NAALADL2: variants seen among roughly 807,000 people sequenced by gnomAD.
NAALADL2 encodes N-acetylated alpha-linked acidic dipeptidase like 2.
In NAALADL2, 76 loss-of-function variants were observed where a neutral mutation model predicts 87.2. The ratio of observed to expected loss-of-function variants is 0.87; its 90% CI spans 0.72 to 1.05. NAALADL2 has a LOEUF of 1.05. NAALADL2 is among the 50% of genes least tolerant of loss of function. NAALADL2 has a pLI of 0.00. For synonymous variants in NAALADL2, 354 were observed against 331.0 expected, an observed-to-expected ratio of 1.07 and a Z score of -0.75; for missense variants, 1,089 against 945.8, an observed-to-expected ratio of 1.15 and a Z score of -1.99.
intron 11 of NAALADL2, among the ~76,000 whole-genome samples, chr3:175,716,768 C>A (rs772118858): frequency 5.3e-5 from 8 of 152,082 alleles, no homozygotes; most frequent in Non-Finnish European, 7.4e-5. Context: ...ATGATCTAAT[C>A]TAAGTTTCAA....
chr3:174,441,874 T>G (rs1389260927), intron 1 of NAALADL2, among the ~76,000 whole-genome samples: 21 of 152,120 alleles, frequency 1.4e-4, no homozygotes, highest in Admixed American at 1.4e-3. Context: ...TTACTAGGGC[T>G]TGCATCCTGA....
At chr3:174,944,090 C>T (rs1739030848) in intron 1 of NAALADL2, among the ~76,000 whole-genome samples, 1 of 152,128 alleles carries the variant, frequency 6.6e-6, no homozygotes, top group African/African-American at 2.4e-5. Context: ...AGTCCCTAGT[C>T]ACCTTGGATT....
intron 1 of NAALADL2, among the ~76,000 whole-genome samples, chr3:174,952,674 G>A (rs182428950): frequency 3.7e-4 from 57 of 152,188 alleles, no homozygotes; most frequent in African/African-American, 1.2e-3. Context: ...ACGTGGTTGT[G>A]TTTGTAACCC....
intron 5 of NAALADL2, among the ~76,000 whole-genome samples, chr3:175,399,708 A>G (rs527528711): frequency 1.3e-5 from 2 of 152,094 alleles, no homozygotes; most frequent in Admixed American, 6.5e-5. Flanking sequence ...TATGACCTGT[A>G]TCTTTTGCCG....
At chr3:175,343,019 A>G (rs1216569899) in intron 5 of NAALADL2, among the ~76,000 whole-genome samples, 2 of 152,128 alleles carry the variant, frequency 1.3e-5, no homozygotes, top group East Asian at 3.8e-4. Flanking sequence ...CATTTTCTGT[A>G]GTATGCATAA....
intron 1 of NAALADL2, among the ~76,000 whole-genome samples, chr3:175,075,949 C>T (rs985592060): frequency 1.3e-5 from 2 of 152,004 alleles, no homozygotes; most frequent in African/African-American, 4.8e-5. Context: ...CATAACAGGC[C>T]AGGCATAGTG....
intron 1 of NAALADL2, among the ~76,000 whole-genome samples, chr3:174,543,203 C>T (rs1397412820): frequency 6.6e-6 from 1 of 152,052 alleles, no homozygotes; most frequent in Non-Finnish European, 1.5e-5. Flanking sequence ...CTGGAAGTGC[C>T]ATTATAATAA....
rs896830833 is a variant in NAALADL2 at position 175,163,428 on chromosome 3, C to T, written c.545+66137C>T. Among the ~76,000 whole-genome samples, 5 of 151,836 alleles carry T rather than the reference C, an allele frequency of 3.3e-5. No homozygotes were observed. In the East Asian group the frequency reaches 7.8e-4, roughly 24 times the overall value. ...AGTTGCTGATTTTGCCCCCAAGAGG[C>T]TCCGTTTTGTATGGTATTTGGAAAT... On this transcript the variant is annotated intron_variant, in intron 2 of 13. Transcript: ENST00000454872.
intron 1 of NAALADL2, among the ~76,000 whole-genome samples, chr3:174,508,120 T>TTTTTTTTGTTTTTTG (rs1553775298): frequency 4.9e-5 from 7 of 142,682 alleles, no homozygotes; most frequent in South Asian, 4.7e-4. Context: ...AGTGGTTTTT[T>TTTTTTTTGTTTTTTG]TTTTTTTTTT....
At chr3:175,552,355 GA>G (rs1344847211) in intron 9 of NAALADL2, among the ~76,000 whole-genome samples, 1 of 152,086 alleles carries the variant, frequency 6.6e-6, no homozygotes, top group South Asian at 2.1e-4. Flanking sequence ...GGCCTCTAGT[GA>G]AAAAAGAAAA....
intron 2 of NAALADL2, among the ~76,000 whole-genome samples, chr3:174,578,744 T>C (rs1465608849): frequency 2.6e-5 from 4 of 151,858 alleles, no homozygotes; most frequent in Non-Finnish European, 5.9e-5. Context: ...TCTTTAACAG[T>C]CATATAAAAA....
intron 2 of NAALADL2, among the ~76,000 whole-genome samples, chr3:174,671,370 C>T (rs688047): frequency 0.75 from 113,638 of 151,904 alleles, 42,748 homozygotes; most frequent in East Asian, 0.9. Context: ...GTGAAATCAT[C>T]TTTATAAAAA....
chr3:174,841,321 A>G (rs2109423034), intron 3 of NAALADL2, among the ~76,000 whole-genome samples: 1 of 152,310 alleles, frequency 6.6e-6, no homozygotes, highest in Non-Finnish European at 1.5e-5. Context: ...AAGTGAAAAG[A>G]ATAGAATGTT....
chr3:175,482,844 TCTTA>T (rs1413525785), intron 9 of NAALADL2, among the ~76,000 whole-genome samples: 1 of 151,742 alleles, frequency 6.6e-6, no homozygotes, highest in Non-Finnish European at 1.5e-5. Context: ...CACTTGATAC[TCTTA>T]CTTATTTTCT....
At chr3:175,182,190 G>C (rs562261417) in intron 2 of NAALADL2, among the ~76,000 whole-genome samples, 36 of 152,052 alleles carry the variant, frequency 2.4e-4, no homozygotes, top group African/African-American at 8.2e-4. Flanking sequence ...CCATCAGTAT[G>C]TCTTCTTTGG....
chr3:175,457,685 A>ATTTTT (rs763515080), intron 6 of NAALADL2, among the ~76,000 whole-genome samples: 5 of 131,466 alleles, frequency 3.8e-5, no homozygotes, highest in Non-Finnish European at 6.3e-5. Context: ...TGTCTGGCTA[A>ATTTTT]TTTTTTTTTT....
intron 2 of NAALADL2, among the ~76,000 whole-genome samples, chr3:175,173,549 A>G (rs1040037138): frequency 2.0e-5 from 3 of 152,186 alleles, no homozygotes; most frequent in Non-Finnish European, 4.4e-5. Context: ...TAGCGGAGCT[A>G]CAGTGATTTA....
At chr3:175,263,000 A>T (rs1175253811) in intron 4 of NAALADL2, among the ~76,000 whole-genome samples, 4 of 37,598 alleles carry the variant, frequency 1.1e-4, no homozygotes, top group Admixed American at 3.6e-4. Flanking sequence ...AAGTAATTGC[A>T]AAAAAAAAAA....
intron 1 of NAALADL2, among the ~76,000 whole-genome samples, chr3:174,971,413 C>T (rs1465214988): frequency 6.6e-6 from 1 of 152,120 alleles, no homozygotes; most frequent in East Asian, 1.9e-4. Context: ...AATAAGTTCC[C>T]TTCTTCACCT....
Sources: gnomAD v4.1 joint callset for allele counts (sites outside exome capture counted in the v4.1 genomes callset) on GRCh38, gnomAD v4.1.1 for gene constraint, MANE v1.5 for transcripts, NCBI Gene and HGNC (gene_info 2026-07-23, HGNC 2026-07-21) for gene names.